AMOTL1: variants seen among roughly 807,000 people sequenced by gnomAD.
AMOTL1 encodes angiomotin-like protein 1.
Under a neutral mutation model 102.9 loss-of-function variants are expected in AMOTL1, and 45 were observed. The ratio of observed to expected loss-of-function variants is 0.44; its 90% CI spans 0.34 to 0.56. The LOEUF is 0.56. Among genes scored for constraint, AMOTL1 ranks in the 20% least tolerant of loss-of-function variants. The pLI is 0.01. For synonymous variants in AMOTL1, 481 were observed against 484.7 expected (o/e 0.99, Z 0.10); for missense variants, 1,114 against 1,225.6 (o/e 0.91, Z 1.36).
intron 1 of AMOTL1, among the ~76,000 whole-genome samples, chr11:94,785,695 A>C (rs1354815128): frequency 2.0e-5 from 3 of 152,202 alleles, no homozygotes; most frequent in Non-Finnish European, 4.4e-5. Context: ...ACTCATCTGC[A>C]ACAATACACA....
At chr11:94,760,816 A>T (rs1950782776) in intron 3 of AMOTL1, among the ~76,000 whole-genome samples, 1 of 152,220 alleles carries the variant, frequency 6.6e-6, no homozygotes, top group Admixed American at 6.5e-5. Flanking sequence ...CAATGTAATC[A>T]ATAATTTTTT....
At position 94,821,671 on chromosome 11, in the gene AMOTL1, G is replaced by A. The variant is rs368335501; in HGVS notation, c.1263G>A (p.Pro421=). 6.6e-5 allele frequency: 107 copies of A among 1,613,760 alleles called. No homozygotes were observed. In the East Asian group the frequency reaches 9.1e-4, roughly 14 times the overall value. Residue 421 remains proline, a synonymous_variant, in exon 4 of 13, where the codon CCG becomes CCA. Transcript: ENST00000433060. ...LPMALGAPQP[P]PAASPSQQLG... ...TGGCCCTGGGTGCTCCACAGCCCCC[G>A]CCTGCCGCCTCCCCCAGCCAGCAGC...
At chr11:94,834,990 A>G (rs1344374032) in intron 6 of AMOTL1, among the ~76,000 whole-genome samples, 2 of 152,192 alleles carry the variant, frequency 1.3e-5, no homozygotes, top group African/African-American at 2.4e-5. Context: ...TGGACATGAA[A>G]CAGGCTCATT....
intron 3 of AMOTL1, among the ~76,000 whole-genome samples, chr11:94,806,272 T>G (rs1951567022): frequency 6.6e-6 from 1 of 152,222 alleles, no homozygotes; most frequent in Non-Finnish European, 1.5e-5. Context: ...ATCACAGGCC[T>G]TACTCCTAGT....
chr11:94,846,030 A>G (rs1952403967), intron 6 of AMOTL1, among the ~76,000 whole-genome samples: 2 of 152,220 alleles, frequency 1.3e-5, no homozygotes, highest in African/African-American at 2.4e-5. Context: ...TGGTTTCACC[A>G]TGGGACTCTC....
At chr11:94,843,634 T>C (rs767022476) in intron 6 of AMOTL1, among the ~76,000 whole-genome samples, 3 of 152,218 alleles carry the variant, frequency 2.0e-5, no homozygotes, top group Non-Finnish European at 4.4e-5. Flanking sequence ...TTATCAGATA[T>C]GGTGCCAGGT....
chr11:94,717,038 C>T (rs535370934), intron 1 of AMOTL1, among the ~76,000 whole-genome samples: 4 of 151,944 alleles, frequency 2.6e-5, no homozygotes, highest in African/African-American at 7.2e-5. Context: ...AATGCTATGC[C>T]TGTTGGTGGT....
rs1023634834 is a variant in AMOTL1 at position 94,875,196 on chromosome 11, C to T, written c.*4401C>T. ...GATTGTTTAATGAGTTTGCCTCTGA[C>T]GTGTGGCTCCATGGGAGATAGGCAA... On this transcript the variant is annotated 3_prime_UTR_variant, in exon 13 of 13. Coordinates refer to ENST00000433060, the MANE Select transcript of AMOTL1 (RefSeq NM_130847.3). 2.0e-5 allele frequency: 3 copies of T among 152,180 alleles called. No homozygotes were observed. Among genetic ancestry groups the T allele is most frequent in the South Asian group, 2.1e-4 (1 of 4,832 alleles). The allele number at this position is 152,180 out of a possible 1,614,324, so 9.4% of individuals were successfully genotyped here.
chr11:94,739,287 A>T (rs964795048), intron 2 of AMOTL1, among the ~76,000 whole-genome samples: 1 of 152,164 alleles, frequency 6.6e-6, no homozygotes, highest in African/African-American at 2.4e-5. Context: ...GGATGGAGTG[A>T]TGAGTGCAAA....
chr11:94,797,186 G>A (rs565228799), intron 2 of AMOTL1, among the ~76,000 whole-genome samples: 1 of 152,318 alleles, frequency 6.6e-6, no homozygotes, highest in South Asian at 2.1e-4. Flanking sequence ...AAGAGTGAAG[G>A]CTGCCTAGAG....
upstream of AMOTL1, among the ~76,000 whole-genome samples, chr11:94,764,214 C>A (rs180829683): frequency 1.3e-5 from 2 of 151,908 alleles, no homozygotes; most frequent in Non-Finnish European, 2.9e-5. Context: ...GCATACTACA[C>A]TCTGATGTAG....
chr11:94,871,416 C>T lies in AMOTL1; in HGVS notation c.*621C>T, dbSNP rs1952993937. 6.6e-6 allele frequency: 1 copy of T among 152,210 alleles called. No homozygotes were observed. The highest frequency in any genetic ancestry group is 1.5e-5 in the Non-Finnish European group (1 of 68,042). The allele number at this position is 152,210 out of a possible 1,614,324, so 9.4% of individuals were successfully genotyped here. On this transcript the variant is annotated 3_prime_UTR_variant, in exon 13 of 13. Coordinates refer to ENST00000433060, the MANE Select transcript of AMOTL1 (RefSeq NM_130847.3). ...GCTTTTCTGAATTCTGCAGTATTTT[C>T]TAAACAGGATAGATTATGATCTCGG...
intron 1 of AMOTL1, among the ~76,000 whole-genome samples, chr11:94,707,250 C>CTGTGTGTGTG (rs71459746): frequency 1.9e-3 from 133 of 71,782 alleles, no homozygotes; most frequent in South Asian, 3.8e-3. Context: ...CTCTCTCTCT[C>CTGTGTGTGTG]TGTGTGTGTG....
At chr11:94,771,978 A>G (rs1415882310) in intron 1 of AMOTL1, among the ~76,000 whole-genome samples, 4 of 152,222 alleles carry the variant, frequency 2.6e-5, no homozygotes, top group Non-Finnish European at 4.4e-5. Flanking sequence ...TATTGCAGCT[A>G]TATACCTCTA....
chr11:94,758,019 G>T (rs1035538123), intron 3 of AMOTL1, among the ~76,000 whole-genome samples: 2 of 152,188 alleles, frequency 1.3e-5, no homozygotes, highest in Non-Finnish European at 2.9e-5. Flanking sequence ...CCAAGACTGT[G>T]CCATTGCACT....
At position 94,873,098 on chromosome 11, in the gene AMOTL1, GC is replaced by G. The variant is rs1218818051; in HGVS notation, c.*2304del. The G allele has an allele frequency of 3.3e-5, 5 of 152,152 alleles. No individual in the cohort carries two copies. Among genetic ancestry groups the G allele is most frequent in the Admixed American group, 6.5e-5 (1 of 15,288 alleles). 9.4% of individuals were successfully genotyped at this position (152,152 alleles called of 1,614,324 possible). A position where few individuals can be genotyped will look rare whatever the true frequency, so the allele number is the denominator to read the frequency against. ...GACATAGGTTAGAGTGAGAGACCCA[GC>G]TGTTTCTCCCGAAGCCTCGTCTTCA... On this transcript the variant is annotated 3_prime_UTR_variant, in exon 13 of 13. Transcript: ENST00000433060.
Position 94,870,679 on chromosome 11 carries a change from T to TG in AMOTL1, c.2765-10_2765-9insG. Reference sequence around the variant, plus strand: ...GAATGGGCAGCTGATGTTTCCCCTCTATTTGGCAGAGAACTCTCCTGGCCA... The same window carrying TG: ...GAATGGGCAGCTGATGTTTCCCCTCTGATTTGGCAGAGAACTCTCCTGGCCA... On this transcript the variant is annotated splice_polypyrimidine_tract_variant and intron_variant, in intron 12 of 12. Transcript: ENST00000433060. 2 of 1,584,772 alleles carry TG rather than the reference T, an allele frequency of 1.3e-6. No individual in the cohort carries two copies. Among genetic ancestry groups the TG allele is most frequent in the Non-Finnish European group, 1.7e-6 (2 of 1,163,586 alleles).
intron 4 of AMOTL1, among the ~76,000 whole-genome samples, chr11:94,823,463 C>G (rs753692833): frequency 2.0e-5 from 3 of 152,142 alleles, no homozygotes; most frequent in Non-Finnish European, 4.4e-5. Context: ...AAGCTTGCCT[C>G]TGTCATTTTT....
chr11:94,839,237 C>T (rs1952246390), intron 6 of AMOTL1, among the ~76,000 whole-genome samples: 1 of 152,240 alleles, frequency 6.6e-6, no homozygotes, highest in Non-Finnish European at 1.5e-5. Context: ...CTGGTTCAGG[C>T]CAGACCGGCT....
Sources: gnomAD v4.1 joint callset for allele counts (sites outside exome capture counted in the v4.1 genomes callset) on GRCh38, gnomAD v4.1.1 for gene constraint, MANE v1.5 for transcripts, NCBI Gene and HGNC (gene_info 2026-07-23, HGNC 2026-07-21) for gene names.